Variants in CALN1 observed in about 807,000 individuals in gnomAD.
The protein encoded by CALN1 is calneuron 1.
Under a neutral mutation model 30.6 loss-of-function variants are expected in CALN1, and 17 were observed. The observed-to-expected ratio is 0.56, with a 90% CI of 0.38 to 0.83. The LOEUF (loss-of-function observed/expected upper bound fraction) is 0.83, where lower values mean the gene tolerates loss of function less well. Ranked by LOEUF, CALN1 falls within the 40% of genes least tolerant of loss-of-function variation. CALN1 has a pLI of 0.00. For synonymous variants in CALN1, 156 were observed against 131.4 expected (o/e 1.19, Z -1.28); for missense variants, 291 against 354.9 (o/e 0.82, Z 1.45).
chr7:71,988,303 C>G (rs1040601229), intron 5 of CALN1, among the ~76,000 whole-genome samples: 15 of 152,190 alleles, frequency 9.9e-5, no homozygotes, highest in African/African-American at 3.6e-4. Flanking sequence ...TAAGGGGCAT[C>G]TGGCACTCAG....
At chr7:72,378,617 T>C (rs1804703516) in intron 2 of CALN1, among the ~76,000 whole-genome samples, 2 of 152,236 alleles carry the variant, frequency 1.3e-5, no homozygotes, top group Admixed American at 1.3e-4. Context: ...TGTAGTCGTC[T>C]TACACATTAC....
chr7:72,212,375 G>C (rs909232084), intron 3 of CALN1, among the ~76,000 whole-genome samples: 2 of 149,318 alleles, frequency 1.3e-5, no homozygotes, highest in African/African-American at 2.5e-5. Context: ...AAATACCAGA[G>C]GGGGGAAGAA....
chr7:71,958,917 C>A (rs955007480), intron 5 of CALN1, among the ~76,000 whole-genome samples: 1 of 152,200 alleles, frequency 6.6e-6, no homozygotes, highest in African/African-American at 2.4e-5. Context: ...ACAGATCAGA[C>A]CCTCAGATCA....
At chr7:72,258,666 T>A (rs114425396) in intron 3 of CALN1, among the ~76,000 whole-genome samples, 2,255 of 152,220 alleles carry the variant, frequency 0.015, 65 homozygotes, top group African/African-American at 0.052. Flanking sequence ...ACGCCTGTAA[T>A]CTCAGCACTC....
intron 2 of CALN1, among the ~76,000 whole-genome samples, chr7:72,329,443 A>C (rs1439769275): frequency 6.6e-6 from 1 of 152,124 alleles, no homozygotes; most frequent in African/African-American, 2.4e-5. Context: ...ATCAAACCCA[A>C]ACTCCACAGG....
chr7:72,460,113 ACATGAACT>A, the CALN1 span, among the ~76,000 whole-genome samples: 14 of 152,178 alleles, frequency 9.2e-5, no homozygotes, highest in Non-Finnish European at 1.8e-4. Context: ...ACCACATCTT[ACATGAACT>A]AATAGAGTGA....
chr7:72,232,093 A>C (rs1794146231), intron 3 of CALN1, among the ~76,000 whole-genome samples: 1 of 152,182 alleles, frequency 6.6e-6, no homozygotes, highest in South Asian at 2.1e-4. Flanking sequence ...CAAAGAAGAC[A>C]AAAGGCTGGC....
chr7:72,249,314 A>T (rs1404790948), intron 3 of CALN1, among the ~76,000 whole-genome samples: 1 of 152,184 alleles, frequency 6.6e-6, no homozygotes, highest in Non-Finnish European at 1.5e-5. Flanking sequence ...TACACAGCTC[A>T]TGAAACCATC....
intron 5 of CALN1, among the ~76,000 whole-genome samples, chr7:71,976,938 G>A (rs1254876586): frequency 6.6e-6 from 1 of 152,116 alleles, no homozygotes; most frequent in Non-Finnish European, 1.5e-5. Context: ...GCATGCCCAA[G>A]GACTTTCCAG....
intron 4 of CALN1, among the ~76,000 whole-genome samples, chr7:72,031,983 T>C (rs969965315): frequency 6.6e-6 from 1 of 150,650 alleles, no homozygotes; most frequent in African/African-American, 2.4e-5. Context: ...CTTCAGGTGA[T>C]CCGTCCGCCC....
chr7:71,943,109 C>T (rs1243191228), intron 5 of CALN1, among the ~76,000 whole-genome samples: 2 of 147,040 alleles, frequency 1.4e-5, no homozygotes, highest in Non-Finnish European at 3.0e-5. Flanking sequence ...CCACCTCGGG[C>T]ACATGTCGCC....
rs190785902 is a variant in CALN1 at position 71,967,940 on chromosome 7, T to C, written c.501+55717A>G. Among the ~76,000 whole-genome samples, 30 of 152,272 alleles carry C rather than the reference T, an allele frequency of 2.0e-4. No individual in the cohort carries two copies. The East Asian group carries it at 5.4e-3, about 27-fold the overall frequency. ...ACTCTCATATATTGCTGGTAGGAAT[T>C]AAAAATGGTATCACCACTTTGGAAA... On this transcript the variant is annotated intron_variant, in intron 5 of 6. Coordinates refer to ENST00000395275, the MANE Select transcript of CALN1 (RefSeq NM_031468.4).
chr7:72,435,234 C>G (rs1808112599), intron 1 of CALN1, among the ~76,000 whole-genome samples: 1 of 130,806 alleles, frequency 7.6e-6, no homozygotes, highest in African/African-American at 2.9e-5. Context: ...AATCCAGTCT[C>G]TAAGGAAAAA....
At chr7:71,986,175 G>T (rs1389344149) in intron 5 of CALN1, among the ~76,000 whole-genome samples, 1 of 152,028 alleles carries the variant, frequency 6.6e-6, no homozygotes, top group Non-Finnish European at 1.5e-5. Context: ...AGCCTCCCGA[G>T]CAGCTGGGAC....
intron 1 of CALN1, among the ~76,000 whole-genome samples, chr7:72,430,205 CATA>C (rs1167689658): frequency 1.0e-4 from 15 of 147,886 alleles, no homozygotes; most frequent in Non-Finnish European, 2.2e-4. Flanking sequence ...TATATTTCTA[CATA>C]ATAATTATAT....
At chr7:72,336,430 G>A (rs946578577) in intron 2 of CALN1, among the ~76,000 whole-genome samples, 2 of 152,020 alleles carry the variant, frequency 1.3e-5, no homozygotes, top group Non-Finnish European at 2.9e-5. Context: ...GTCCGCCGCG[G>A]CCCTTCCCTA....
chr7:72,169,285 T>C (rs998922635), intron 3 of CALN1, among the ~76,000 whole-genome samples: 4 of 151,976 alleles, frequency 2.6e-5, no homozygotes, highest in Non-Finnish European at 5.9e-5. Flanking sequence ...CTCACTTGCC[T>C]CTTGTTTTTA....
intron 1 of CALN1, among the ~76,000 whole-genome samples, chr7:72,427,904 C>T (rs769416268): frequency 6.6e-6 from 1 of 152,108 alleles, no homozygotes; most frequent in Admixed American, 6.6e-5. Flanking sequence ...CAGCTGCCTT[C>T]CTTCTCTCTT....
intron 3 of CALN1, among the ~76,000 whole-genome samples, chr7:72,215,593 C>CAAAA (rs35459723): frequency 1.3e-5 from 1 of 76,946 alleles, no homozygotes. Context: ...AACTCCTGCT[C>CAAAA]AAAAAAAAAA....
Sources: gnomAD v4.1 joint callset for allele counts (sites outside exome capture counted in the v4.1 genomes callset) on GRCh38, gnomAD v4.1.1 for gene constraint, MANE v1.5 for transcripts, NCBI Gene and HGNC (gene_info 2026-07-23, HGNC 2026-07-21) for gene names.